The following ZNF75A variants were observed in gnomAD, a reference collection of about 807,000 sequenced individuals.
The protein encoded by ZNF75A is zinc finger protein 75A.
Under a neutral mutation model 46.3 loss-of-function variants are expected in ZNF75A, and 36 were observed. The observed-to-expected ratio is 0.78, with a 90% CI of 0.60 to 1.03. The LOEUF (loss-of-function observed/expected upper bound fraction) is 1.03, where lower values mean the gene tolerates loss of function less well. Ranked by LOEUF, ZNF75A falls within the 50% of genes least tolerant of loss-of-function variation. The pLI is 0.00. For synonymous variants in ZNF75A, 234 were observed against 189.9 expected (o/e 1.23, Z -1.91); for missense variants, 595 against 551.3 (o/e 1.08, Z -0.79).
Position 3,308,672 on chromosome 16 carries a change from C to T in ZNF75A, c.244C>T (p.His82Tyr). 1.0e-6 allele frequency: 1 copy of T among 990,218 alleles called. No homozygotes were observed. Among genetic ancestry groups the T allele is most frequent in the Non-Finnish European group, 1.2e-6 (1 of 831,624 alleles). 61.3% of individuals were successfully genotyped at this position (990,218 alleles called of 1,614,324 possible). A position where few individuals can be genotyped will look rare whatever the true frequency, so the allele number is the denominator to read the frequency against. ...LCHLWLKPEIHSKEQILELLV... is the reference protein window; with the variant it reads ...LCHLWLKPEIYSKEQILELLV... ...TCATCTATGGCTGAAGCCAGAGATC[C>T]ACTCAAAAGAGCAGATACTGGAACT... The change falls in exon 2 of 7, where the codon CAC (histidine) becomes TAC (tyrosine). Residue 82 changes from histidine to tyrosine, a missense_variant. Physicochemically the swap from His to Tyr is moderately conservative, Grantham distance 83. Coordinates refer to ENST00000669516, the MANE Select transcript of ZNF75A (RefSeq NM_001302109.2).
In ZNF75A at chr16:3,317,303, A is replaced by G. The variant is rs748395861; in HGVS notation, c.1048A>G (p.Lys350Glu). ...SKKAKVKVPQKTAGKENHFDM... is the reference protein window; with the variant it reads ...SKKAKVKVPQETAGKENHFDM... ...AAAGGCCAAAGTAAAAGTTCCCCAGAAAACAGCAGGCAAAGAAAATCATTT... is the reference window on the plus strand; with the variant it reads ...AAAGGCCAAAGTAAAAGTTCCCCAGGAAACAGCAGGCAAAGAAAATCATTT... Residue 350 changes from lysine to glutamate, a missense_variant, in exon 7 of 7, where the codon AAA becomes GAA. Transcript: ENST00000669516. 6.2e-6 allele frequency: 10 copies of G among 1,614,006 alleles called. No individual in the cohort carries two copies. Among genetic ancestry groups the G allele is most frequent in the African/African-American group, 1.3e-5 (1 of 74,916 alleles).
Position 3,308,631 on chromosome 16 carries a change from A to G in ZNF75A, c.203A>G (p.Lys68Arg), listed in dbSNP as rs952291595. 3.5e-5 allele frequency: 35 copies of G among 986,720 alleles called. No individual in the cohort carries two copies. The highest frequency in any genetic ancestry group is 4.2e-5 in the Non-Finnish European group (35 of 830,130). The allele number at this position is 986,720 out of a possible 1,614,324, so 61.1% of individuals were successfully genotyped here. ...EAGGPREAVS[K>R]LQELCHLWLK... Reference sequence around the variant, plus strand: ...GGTGGACCCCGTGAGGCTGTCAGCAAACTTCAAGAATTATGTCATCTATGG... The same window carrying G: ...GGTGGACCCCGTGAGGCTGTCAGCAGACTTCAAGAATTATGTCATCTATGG... The change falls in exon 2 of 7, where the codon AAA becomes AGA. Residue 68 changes from lysine to arginine, a missense_variant. Physicochemically the swap from Lys to Arg is conservative, Grantham distance 26 (BLOSUM62 2). Transcript: ENST00000669516.
At chr16:3,320,109 A>G (rs1961472736), downstream of ZNF75A, among the ~76,000 whole-genome samples, 1 of 151,758 alleles carries the variant, frequency 6.6e-6, no homozygotes, top group South Asian at 2.1e-4. Flanking sequence ...GCAGTGGCGC[A>G]ATGTCAGCTC....
rs1960130228 is a variant in ZNF75A, at chr16:3,305,560, C to T, written c.-200C>T. ...GCGGTGGGCTGGCGGTTGCGCTCCT[C>T]AGATCGGCGGCCTTTCGGGCGGTGG... On this transcript the variant is annotated 5_prime_UTR_variant, in exon 1 of 7. Coordinates refer to ENST00000669516, the MANE Select transcript of ZNF75A (RefSeq NM_001302109.2). The T allele has an allele frequency of 6.6e-6, 1 of 152,296 alleles. No individual in the cohort carries two copies. The highest frequency in any genetic ancestry group is 6.5e-5 in the Admixed American group (1 of 15,282). The allele number at this position is 152,296 out of a possible 1,614,324, so 9.4% of individuals were successfully genotyped here.
rs1204957599 is a variant in ZNF75A, at chr16:3,317,644, T to C, written c.1389T>C (p.Cys463=). 42 of 1,613,888 alleles carry C rather than the reference T, an allele frequency of 2.6e-5. No homozygotes were observed. The highest frequency in any genetic ancestry group is 3.5e-5 in the Non-Finnish European group (41 of 1,179,996). Residue 463 remains cysteine, a synonymous_variant, in exon 7 of 7, where the codon TGT becomes TGC. Transcript: ENST00000669516. ...QGIKPYKCSW[C]GKSFSQNTNL... The stretch of plus-strand genomic sequence containing the variant: ...TAAAACCATATAAATGTTCATGGTG[T>C]GGGAAAAGCTTCAGTCAAAATACAA...
rs190610995 is a variant in ZNF75A, at chr16:3,308,913, A to T, written c.408+77A>T. The T allele has an allele frequency of 9.8e-6, 9 of 917,442 alleles. No individual in the cohort carries two copies. In the African/African-American group the frequency reaches 1.6e-4, roughly 16 times the overall value. 56.8% of individuals were successfully genotyped at this position (917,442 alleles called of 1,614,324 possible). A position where few individuals can be genotyped will look rare whatever the true frequency, so the allele number is the denominator to read the frequency against. ...TAGTAGAGATGGTGGCAGTTAGTTG[A>T]GAAATTAGATGGATTAGGTAGGTCA... On this transcript the variant is annotated intron_variant, in intron 2 of 6. Transcript: ENST00000669516.
chr16:3,312,959 T>G (rs892741252), intron 4 of ZNF75A, 90 bp from the exon 5 acceptor site: 3 of 1,455,710 alleles, frequency 2.1e-6, no homozygotes, highest in Admixed American at 2.7e-5. Flanking sequence ...TTCTTTTAAT[T>G]CCTTTATCGC....
rs201275362 is a variant in ZNF75A at position 3,317,831 on chromosome 16, C to T, written c.1576C>T (p.Arg526Trp). 46 of 1,612,914 alleles carry T rather than the reference C, an allele frequency of 2.9e-5. No homozygotes were observed. Among genetic ancestry groups the T allele is most frequent in the South Asian group, 8.8e-5 (8 of 90,866 alleles). Residue 526 changes from arginine (R) to tryptophan (W), a missense_variant, in exon 7 of 7, where the codon CGG (arginine) becomes TGG (tryptophan). Coordinates refer to ENST00000669516, the MANE Select transcript of ZNF75A (RefSeq NM_001302109.2). ...CATATGCAGGAGAAACTTCAGCAGG[C>T]GGTCAAGCCTTCTTAGACACCAGAA... ...CSICRRNFSR[R>W]SSLLRHQKLH...
At position 3,317,821 on chromosome 16, in the gene ZNF75A, C is replaced by T. The variant is rs780555949; in HGVS notation, c.1566C>T (p.Asn522=). The T allele has an allele frequency of 6.2e-7, 1 of 1,613,588 alleles. No homozygotes were observed. ...QPYTCSICRR[N]FSRRSSLLRH... ...ATACTTGTAGCATATGCAGGAGAAA[C>T]TTCAGCAGGCGGTCAAGCCTTCTTA... The change falls in exon 7 of 7, where the codon AAC becomes AAT. Residue 522 remains asparagine, a synonymous_variant. Coordinates refer to ENST00000669516, the MANE Select transcript of ZNF75A (RefSeq NM_001302109.2).
Position 3,308,293 on chromosome 16 carries a change from T to C in ZNF75A, c.-116-20T>C. The C allele has an allele frequency of 4.2e-6, 2 of 481,428 alleles. No individual in the cohort carries two copies. Among genetic ancestry groups the C allele is most frequent in the Non-Finnish European group, 5.4e-6 (2 of 369,202 alleles). The allele number at this position is 481,428 out of a possible 1,614,324, so 29.8% of individuals were successfully genotyped here. Reference sequence around the variant, plus strand: ...TGTGAGTTTCTTATTGATACATACTTTTCTTTTTCTTGTCCTCAGTGCTTT... The same window carrying C: ...TGTGAGTTTCTTATTGATACATACTCTTCTTTTTCTTGTCCTCAGTGCTTT... On this transcript the variant is annotated intron_variant, in intron 1 of 6. Transcript: ENST00000669516.
chr16:3,315,000 A>C, intron 5 of ZNF75A: 1 of 984,860 alleles, frequency 1.0e-6, no homozygotes, highest in South Asian at 4.7e-5. Flanking sequence ...AGTGTAGCGG[A>C]GGGTGTAGGT....
chr16:3,320,532 A>G (rs764651248), downstream of ZNF75A, among the ~76,000 whole-genome samples: 2 of 152,192 alleles, frequency 1.3e-5, no homozygotes, highest in Non-Finnish European at 2.9e-5. Flanking sequence ...AAGACTGTAG[A>G]TGATAGGGAA....
rs1960931425 is a variant in ZNF75A at position 3,313,054 on chromosome 16, G to A, written c.702G>A (p.Leu234=). The part of the protein sequence containing the change: ...PEHVLPESQS[L]LTFEEVAMYF... ...AAGTCCATTCTCTTCTTTAGAGCTTGTTGACATTTGAAGAAGTGGCCATGT... is the reference window on the plus strand; with the variant it reads ...AAGTCCATTCTCTTCTTTAGAGCTTATTGACATTTGAAGAAGTGGCCATGT... The change falls in exon 5 of 7, where the codon TTG becomes TTA. Residue 234 remains leucine, a synonymous_variant. Coordinates refer to ENST00000669516, the MANE Select transcript of ZNF75A (RefSeq NM_001302109.2). 1.9e-6 allele frequency: 3 copies of A among 1,612,308 alleles called. No individual in the cohort carries two copies.
At position 3,311,734 on chromosome 16, in the gene ZNF75A, G is replaced by C; in HGVS notation, c.409-19G>C. On this transcript the variant is annotated intron_variant, in intron 2 of 6. Coordinates refer to ENST00000669516, the MANE Select transcript of ZNF75A (RefSeq NM_001302109.2). ...CCAAAAGTAAGTTCTGTGGTAACAA[G>C]GATGGGAATTATTTCTAGGTTGCAG... 1.9e-6 allele frequency: 2 copies of C among 1,046,252 alleles called. No homozygotes were observed. Among genetic ancestry groups the C allele is most frequent in the Non-Finnish European group, 2.3e-6 (2 of 861,034 alleles). 64.8% of individuals were successfully genotyped at this position (1,046,252 alleles called of 1,614,324 possible). A position where few individuals can be genotyped will look rare whatever the true frequency, so the allele number is the denominator to read the frequency against.
downstream of ZNF75A, among the ~76,000 whole-genome samples, chr16:3,319,189 T>C (rs997279765): frequency 1.3e-5 from 2 of 152,058 alleles, no homozygotes; most frequent in African/African-American, 2.4e-5. Context: ...TCTCAGCTCA[T>C]TGCATCCTCC....
rs1567269716 is a variant in ZNF75A, at chr16:3,312,904, C to T, written c.696+136C>T. 34 of 1,250,516 alleles carry T rather than the reference C, an allele frequency of 2.7e-5. No homozygotes were observed. The East Asian group carries it at 3.9e-4, about 14-fold the overall frequency. 77.5% of individuals were successfully genotyped at this position (1,250,516 alleles called of 1,614,324 possible). ...GGGTACCTCCCAGGCTGTGGGCTGACGCCTTTTCTCCTTTTTTTCTGCCTT... is the reference window on the plus strand; with the variant it reads ...GGGTACCTCCCAGGCTGTGGGCTGATGCCTTTTCTCCTTTTTTTCTGCCTT... On this transcript the variant is annotated intron_variant, in intron 4 of 6. Transcript: ENST00000669516.
Position 3,308,303 on chromosome 16 carries a change from T to G in ZNF75A, c.-116-10T>G, listed in dbSNP as rs1310363816. 8.2e-6 allele frequency: 5 copies of G among 608,674 alleles called. No individual in the cohort carries two copies. The Admixed American group carries it at 3.2e-4, about 38-fold the overall frequency. 37.7% of individuals were successfully genotyped at this position (608,674 alleles called of 1,614,324 possible). On this transcript the variant is annotated splice_polypyrimidine_tract_variant and intron_variant, in intron 1 of 6. Transcript: ENST00000669516. ...TTATTGATACATACTTTTCTTTTTC[T>G]TGTCCTCAGTGCTTTTAGGAAGAAG... is the stretch of plus-strand genomic sequence containing the variant.
At chr16:3,320,912 CTT>C (rs1353859434), downstream of ZNF75A, among the ~76,000 whole-genome samples, 4 of 152,158 alleles carry the variant, frequency 2.6e-5, no homozygotes, top group Admixed American at 6.5e-5. Flanking sequence ...TGGGGAGAAA[CTT>C]GGGCAGGGAG....
chr16:3,321,161 G>A (rs930555378), downstream of ZNF75A, among the ~76,000 whole-genome samples: 14 of 152,166 alleles, frequency 9.2e-5, no homozygotes, highest in Non-Finnish European at 2.9e-5. Context: ...ATTGAGGCTT[G>A]CTTTAAAAAT....
Sources: allele counts gnomAD v4.1 joint callset (sites outside exome capture counted in the v4.1 genomes callset), GRCh38; gene constraint gnomAD v4.1.1; transcripts MANE v1.5; gene names NCBI Gene and HGNC (gene_info 2026-07-23, HGNC 2026-07-21).